EHBP1: variants seen among roughly 807,000 people sequenced by gnomAD.
The protein encoded by EHBP1 is EH domain binding protein 1, also known as EH domain-binding protein 1.
In EHBP1, 55 loss-of-function variants were observed where a neutral mutation model predicts 144.0. The ratio of observed to expected loss-of-function variants is 0.38; its 90% CI spans 0.31 to 0.48. EHBP1 has a LOEUF of 0.48. Ranked by LOEUF, EHBP1 falls within the 20% of genes least tolerant of loss-of-function variation. EHBP1 has a pLI of 0.98. For missense variants in EHBP1, 1,200 were observed against 1,364.2 expected, an observed-to-expected ratio of 0.88 and a Z score of 1.90; for synonymous variants, 469 against 472.7, an observed-to-expected ratio of 0.99 and a Z score of 0.10.
chr2:62,784,886 T>C (rs1010524571), intron 5 of EHBP1, among the ~76,000 whole-genome samples: 1 of 152,170 alleles, frequency 6.6e-6, no homozygotes, highest in Non-Finnish European at 1.5e-5. Context: ...TTCTGGACTA[T>C]GAAAACATAT....
chr2:62,951,042 C>T (rs887483445), intron 13 of EHBP1, among the ~76,000 whole-genome samples: 3 of 152,154 alleles, frequency 2.0e-5, no homozygotes, highest in Admixed American at 6.5e-5. Context: ...TCTTCCAAGT[C>T]AGTATACTGA....
chr2:63,022,816 C>G (rs2060813355), intron 19 of EHBP1, among the ~76,000 whole-genome samples: 1 of 152,160 alleles, frequency 6.6e-6, no homozygotes, highest in Admixed American at 6.5e-5. Flanking sequence ...AAGGAGCTAT[C>G]TCATCAGAAA....
chr2:62,916,060 T>A (rs910325088), intron 10 of EHBP1, among the ~76,000 whole-genome samples: 1 of 152,094 alleles, frequency 6.6e-6, no homozygotes, highest in Non-Finnish European at 1.5e-5. Flanking sequence ...GTAGTGCACA[T>A]GTGTAGTCCC....
At chr2:62,930,169 G>A (rs375130111) in intron 10 of EHBP1, among the ~76,000 whole-genome samples, 56 of 152,232 alleles carry the variant, frequency 3.7e-4, no homozygotes, top group East Asian at 3.3e-3. Flanking sequence ...GATTGCTTGC[G>A]CCCAGAATGT....
chr2:62,887,910 A>G (rs2052077537), intron 10 of EHBP1, among the ~76,000 whole-genome samples: 1 of 152,228 alleles, frequency 6.6e-6, no homozygotes. Flanking sequence ...CTCTACATTC[A>G]TATTATGATG....
At chr2:62,689,768 T>G (rs528928024) in intron 1 of EHBP1, among the ~76,000 whole-genome samples, 46 of 152,318 alleles carry the variant, frequency 3.0e-4, no homozygotes, top group African/African-American at 1.1e-3. Context: ...AATTCTGACT[T>G]TTTCCTGATG....
intron 1 of EHBP1, among the ~76,000 whole-genome samples, chr2:62,699,872 A>G (rs1003080576): frequency 6.6e-6 from 1 of 152,218 alleles, no homozygotes; most frequent in Non-Finnish European, 1.5e-5. Flanking sequence ...CTGAGTTTCA[A>G]GGAAGTCAAG....
intron 10 of EHBP1, among the ~76,000 whole-genome samples, chr2:62,900,645 A>T (rs2053325291): frequency 6.9e-6 from 1 of 145,562 alleles, no homozygotes; most frequent in Non-Finnish European, 1.5e-5. Flanking sequence ...AAAGGTTGGG[A>T]GGAAGTGTTT....
intron 1 of EHBP1, among the ~76,000 whole-genome samples, chr2:62,690,121 G>A (rs360791): frequency 0.49 from 75,195 of 151,970 alleles, 18,880 homozygotes; most frequent in Middle Eastern, 0.74. Context: ...AATCTGGGAG[G>A]CTGTGAAAGC....
chr2:62,692,084 C>A (rs889616501), intron 1 of EHBP1, among the ~76,000 whole-genome samples: 5 of 152,140 alleles, frequency 3.3e-5, no homozygotes, highest in Admixed American at 3.3e-4. Context: ...CTTTCTGTCT[C>A]TGTGGATTTG....
At chr2:62,743,190 C>G (rs756163900) in intron 2 of EHBP1, among the ~76,000 whole-genome samples, 2 of 151,934 alleles carry the variant, frequency 1.3e-5, no homozygotes, top group African/African-American at 2.4e-5. Context: ...ATTTTTAATG[C>G]CTGTGTGATT....
At chr2:62,769,641 A>G (rs2041472868) in intron 4 of EHBP1, among the ~76,000 whole-genome samples, 1 of 152,186 alleles carries the variant, frequency 6.6e-6, no homozygotes, top group Admixed American at 6.5e-5. Context: ...CATTCTTCAC[A>G]GAACTTGAAA....
intron 7 of EHBP1, among the ~76,000 whole-genome samples, chr2:62,857,479 C>T (rs1378717822): frequency 1.3e-5 from 2 of 152,068 alleles, no homozygotes; most frequent in Non-Finnish European, 2.9e-5. Flanking sequence ...ACCATGTGCC[C>T]TTAGGTTTAC....
At chr2:62,750,314 G>C (rs946794151) in intron 3 of EHBP1, among the ~76,000 whole-genome samples, 2 of 152,168 alleles carry the variant, frequency 1.3e-5, no homozygotes, top group Non-Finnish European at 2.9e-5. Flanking sequence ...TATTATTTCT[G>C]AGGGCTCTGT....
chr2:63,024,857 A>G (rs2060907106), intron 19 of EHBP1, among the ~76,000 whole-genome samples: 1 of 151,802 alleles, frequency 6.6e-6, no homozygotes, highest in Non-Finnish European at 1.5e-5. Flanking sequence ...TTAGCCAGAC[A>G]TGGTGGTGTG....
intron 12 of EHBP1, among the ~76,000 whole-genome samples, chr2:62,944,960 C>T (rs552490016): frequency 6.6e-6 from 1 of 152,276 alleles, no homozygotes; most frequent in East Asian, 1.9e-4. Flanking sequence ...ATCAGGGTGT[C>T]CTTGAACATG....
At chr2:62,859,832 A>G (rs1406216818) in intron 8 of EHBP1, among the ~76,000 whole-genome samples, 1 of 152,172 alleles carries the variant, frequency 6.6e-6, no homozygotes, top group Non-Finnish European at 1.5e-5. Flanking sequence ...CTTATTAAGT[A>G]GTTTTGAACT....
intron 5 of EHBP1, among the ~76,000 whole-genome samples, chr2:62,778,541 CAAAAAAAA>C (rs955575672): frequency 2.5e-5 from 2 of 81,488 alleles, no homozygotes; most frequent in African/African-American, 9.1e-5. Flanking sequence ...GAGACCCTGT[CAAAAAAAA>C]AAAAAAAAAA....
chr2:62,827,124 A>C (rs1040793051), intron 6 of EHBP1, among the ~76,000 whole-genome samples: 1 of 152,200 alleles, frequency 6.6e-6, no homozygotes, highest in African/African-American at 2.4e-5. Context: ...ATAATTGGCC[A>C]TGTCTACTTG....
Sources: allele counts gnomAD v4.1 joint callset (sites outside exome capture counted in the v4.1 genomes callset), GRCh38; gene constraint gnomAD v4.1.1; transcripts MANE v1.5; gene names NCBI Gene and HGNC (gene_info 2026-07-23, HGNC 2026-07-21).